Variants in PDE1A observed in about 807,000 individuals in gnomAD.
The protein encoded by PDE1A is dual specificity calcium/calmodulin-dependent 3',5'-cyclic nucleotide phosphodiesterase 1A.
A neutral mutation model predicts 61.7 loss-of-function variants in PDE1A; 35 were observed. That is an observed-to-expected ratio of 0.57 (90% CI 0.43 to 0.75). The LOEUF is 0.75. Ranked by LOEUF, PDE1A falls within the 30% of genes least tolerant of loss-of-function variation. PDE1A has a pLI of 0.00. For missense variants in PDE1A, 597 were observed against 630.6 expected, an observed-to-expected ratio of 0.95 and a Z score of 0.57; for synonymous variants, 232 against 213.2, an observed-to-expected ratio of 1.09 and a Z score of -0.77.
the PDE1A span, among the ~76,000 whole-genome samples, chr2:182,595,560 C>A: frequency 6.6e-6 from 1 of 152,230 alleles, no homozygotes; most frequent in African/African-American, 2.4e-5. Context: ...TGATCCTACT[C>A]AATCGTTTTC....
At chr2:182,175,819 T>C (rs1206915399) in intron 13 of PDE1A, among the ~76,000 whole-genome samples, 6 of 124,382 alleles carry the variant, frequency 4.8e-5, no homozygotes, top group African/African-American at 1.7e-4. Flanking sequence ...TGGTTTTAGG[T>C]CTAACGTTTA....
At chr2:182,669,123 A>G in the PDE1A span, among the ~76,000 whole-genome samples, 1 of 152,196 alleles carries the variant, frequency 6.6e-6, no homozygotes, top group East Asian at 1.9e-4. Context: ...GTTTCCCCCA[A>G]AGAAGCTATT....
chr2:182,708,468 T>C, the PDE1A span, among the ~76,000 whole-genome samples: 1 of 152,218 alleles, frequency 6.6e-6, no homozygotes, highest in Non-Finnish European at 1.5e-5. Context: ...CTGCCTGTAT[T>C]AGTTTTTGCA....
At chr2:182,391,233 C>T (rs1249486566) in intron 1 of PDE1A, among the ~76,000 whole-genome samples, 2 of 152,064 alleles carry the variant, frequency 1.3e-5, no homozygotes, top group African/African-American at 2.4e-5. Context: ...TTTAACGTTG[C>T]AGCTCTGGGA....
At chr2:182,273,467 TA>T (rs964421625) in intron 1 of PDE1A, among the ~76,000 whole-genome samples, 6 of 151,000 alleles carry the variant, frequency 4.0e-5, no homozygotes, top group Non-Finnish European at 5.9e-5. Context: ...AGATTTAACA[TA>T]AAAAATATAT....
At chr2:182,152,088 A>G (rs986641859) in intron 13 of PDE1A, among the ~76,000 whole-genome samples, 4 of 152,208 alleles carry the variant, frequency 2.6e-5, no homozygotes, top group African/African-American at 7.2e-5. Context: ...CAACAGAAAT[A>G]TTAGCTCTGA....
chr2:182,173,844 T>C (rs1374102158), intron 13 of PDE1A, among the ~76,000 whole-genome samples: 1 of 151,990 alleles, frequency 6.6e-6, no homozygotes, highest in Non-Finnish European at 1.5e-5. Flanking sequence ...ATTAAAAAGA[T>C]AGTGGAAAGG....
intron 1 of PDE1A, among the ~76,000 whole-genome samples, chr2:182,340,308 T>C (rs1698103650): frequency 6.6e-6 from 1 of 152,168 alleles, no homozygotes; most frequent in African/African-American, 2.4e-5. Context: ...TCTGCATGGG[T>C]AATGCCTGCT....
intron 13 of PDE1A, among the ~76,000 whole-genome samples, chr2:182,157,751 C>T (rs1287215516): frequency 1.3e-5 from 2 of 152,118 alleles, no homozygotes; most frequent in Non-Finnish European, 2.9e-5. Context: ...CTATAGATAT[C>T]CCTGATGGTA....
chr2:182,496,706 C>T (rs1047460701), intron 2 of PDE1A, among the ~76,000 whole-genome samples: 2 of 152,254 alleles, frequency 1.3e-5, no homozygotes, highest in African/African-American at 4.8e-5. Context: ...TGGACTTTGC[C>T]TTTGCATGTC....
chr2:182,287,271 A>C (rs937054403), intron 1 of PDE1A, among the ~76,000 whole-genome samples: 9 of 152,178 alleles, frequency 5.9e-5, no homozygotes, highest in African/African-American at 2.2e-4. Flanking sequence ...TCTTCAGAAA[A>C]GCCCTCCCTG....
chr2:182,394,033 A>G (rs1338576685), intron 1 of PDE1A, among the ~76,000 whole-genome samples: 1 of 152,172 alleles, frequency 6.6e-6, no homozygotes, highest in African/African-American at 2.4e-5. Context: ...TGAGTCCTCC[A>G]AACTTTTCCA....
chr2:182,269,846 A>G (rs2125811643), intron 1 of PDE1A, among the ~76,000 whole-genome samples: 1 of 152,278 alleles, frequency 6.6e-6, no homozygotes, highest in South Asian at 2.1e-4. Flanking sequence ...CTGTGTCTGC[A>G]CTTATCAAAT....
At chr2:182,304,146 G>A (rs1487878371) in intron 1 of PDE1A, among the ~76,000 whole-genome samples, 1 of 152,008 alleles carries the variant, frequency 6.6e-6, no homozygotes, top group Non-Finnish European at 1.5e-5. Flanking sequence ...GACTCCCAAA[G>A]TGCTGGATTA....
chr2:182,231,945 T>C (rs1396569048), intron 4 of PDE1A, among the ~76,000 whole-genome samples: 1 of 151,994 alleles, frequency 6.6e-6, no homozygotes, highest in South Asian at 2.1e-4. Flanking sequence ...TAGAAAAATA[T>C]GTAAATATCA....
chr2:182,282,818 T>G (rs1693900354), intron 1 of PDE1A, among the ~76,000 whole-genome samples: 1 of 152,038 alleles, frequency 6.6e-6, no homozygotes, highest in Non-Finnish European at 1.5e-5. Flanking sequence ...GCAGTCCAGT[T>G]CATTCAATAA....
At chr2:182,638,535 C>T in the PDE1A span, among the ~76,000 whole-genome samples, 1 of 151,474 alleles carries the variant, frequency 6.6e-6, no homozygotes, top group Non-Finnish European at 1.5e-5. Context: ...GACTCCATCT[C>T]AAAAAAAATG....
chr2:182,211,260 T>A (rs1285916812), intron 7 of PDE1A, among the ~76,000 whole-genome samples: 1 of 152,242 alleles, frequency 6.6e-6, no homozygotes, highest in East Asian at 1.9e-4. Flanking sequence ...TAGCACCATT[T>A]ATTGAAAAGA....
the PDE1A span, among the ~76,000 whole-genome samples, chr2:182,533,998 T>C: frequency 6.6e-6 from 1 of 152,050 alleles, no homozygotes; most frequent in Non-Finnish European, 1.5e-5. Context: ...TTTCTAAATA[T>C]AAAATACATA....
Sources: gnomAD v4.1 joint callset for allele counts (sites outside exome capture counted in the v4.1 genomes callset) on GRCh38, gnomAD v4.1.1 for gene constraint, MANE v1.5 for transcripts, NCBI Gene and HGNC (gene_info 2026-07-23, HGNC 2026-07-21) for gene names.